Variants in LMNTD1 observed in about 807,000 individuals in gnomAD.
LMNTD1 encodes the protein lamin tail domain-containing protein 1.
Under a neutral mutation model 50.9 loss-of-function variants are expected in LMNTD1, and 35 were observed. The ratio of observed to expected loss-of-function variants is 0.69; its 90% CI spans 0.53 to 0.91. The LOEUF (loss-of-function observed/expected upper bound fraction) is 0.91, where lower values mean the gene tolerates loss of function less well. Among genes scored for constraint, LMNTD1 ranks in the 40% least tolerant of loss-of-function variants. LMNTD1 has a pLI of 0.00. For missense variants in LMNTD1, 470 were observed against 475.5 expected (o/e 0.99, Z 0.11); for synonymous variants, 153 against 161.9 (o/e 0.94, Z 0.42).
chr12:25,581,032 A>C (rs549198968), intron 1 of LMNTD1, among the ~76,000 whole-genome samples: 81 of 152,296 alleles, frequency 5.3e-4, no homozygotes, highest in African/African-American at 1.9e-3. Flanking sequence ...GTTAGTAGAG[A>C]AGATTTCTAT....
chr12:25,635,487 G>T (rs1946811846), intron 1 of LMNTD1, among the ~76,000 whole-genome samples: 1 of 152,104 alleles, frequency 6.6e-6, no homozygotes, highest in Non-Finnish European at 1.5e-5. Flanking sequence ...AATCATAGAT[G>T]CACACAAACA....
chr12:25,577,690 G>A (rs1357119281), intron 1 of LMNTD1, among the ~76,000 whole-genome samples: 1 of 152,182 alleles, frequency 6.6e-6, no homozygotes, highest in Non-Finnish European at 1.5e-5. Context: ...TCTCCTGCCT[G>A]ATTGCCCTAG....
At chr12:25,530,055 G>C (rs1183886088) in intron 4 of LMNTD1, among the ~76,000 whole-genome samples, 1 of 152,016 alleles carries the variant, frequency 6.6e-6, no homozygotes, top group Non-Finnish European at 1.5e-5. Context: ...GTACAAAATG[G>C]AATCTCATTG....
At chr12:25,485,869 C>A (rs1938613606) in intron 9 of LMNTD1, among the ~76,000 whole-genome samples, 1 of 144,586 alleles carries the variant, frequency 6.9e-6, no homozygotes. Context: ...ATCTATATCT[C>A]TGTTTTGGTA....
chr12:25,509,062 T>C (rs1406988721), intron 8 of LMNTD1, among the ~76,000 whole-genome samples: 2 of 152,190 alleles, frequency 1.3e-5, no homozygotes, highest in African/African-American at 4.8e-5. Context: ...AGATATTACG[T>C]TGGAAATTAT....
Position 25,546,357 on chromosome 12 carries a change from T to A in LMNTD1, c.491+17A>T. The A allele has an allele frequency of 1.3e-6, 2 of 1,527,072 alleles. No individual in the cohort carries two copies. The highest frequency in any genetic ancestry group is 1.8e-6 in the Non-Finnish European group (2 of 1,126,504). The allele number at this position is 1,527,072 out of a possible 1,614,324, so 94.6% of individuals were successfully genotyped here. A position where few individuals can be genotyped will look rare whatever the true frequency, so the allele number is the denominator to read the frequency against. On this transcript the variant is annotated intron_variant, in intron 4 of 9. Coordinates refer to ENST00000458174, the MANE Select transcript of LMNTD1 (RefSeq NM_001145728.2). Reference sequence around the variant, plus strand: ...ACCCCGACAGAAGATACTAAGTAGTTCAAATAAAATATGTACCTGGAGGTA... The same window carrying A: ...ACCCCGACAGAAGATACTAAGTAGTACAAATAAAATATGTACCTGGAGGTA...
intron 1 of LMNTD1, among the ~76,000 whole-genome samples, chr12:25,560,549 C>A (rs753337536): frequency 1.3e-5 from 2 of 152,088 alleles, no homozygotes; most frequent in African/African-American, 4.8e-5. Context: ...TCCATATGAA[C>A]TTTAAAGTAG....
At chr12:25,561,842 A>G (rs756633442) in intron 1 of LMNTD1, among the ~76,000 whole-genome samples, 1 of 152,038 alleles carries the variant, frequency 6.6e-6, no homozygotes, top group African/African-American at 2.4e-5. Flanking sequence ...GGGTGCATAT[A>G]TATTTAGGTT....
chr12:25,536,249 T>C (rs1294874976), intron 4 of LMNTD1, among the ~76,000 whole-genome samples: 38 of 152,140 alleles, frequency 2.5e-4, no homozygotes, highest in Admixed American at 2.5e-3. Flanking sequence ...TGAAACATTC[T>C]ACTAAACAAC....
At chr12:25,626,341 TAC>T (rs1555124910) in intron 1 of LMNTD1, among the ~76,000 whole-genome samples, 7 of 150,302 alleles carry the variant, frequency 4.7e-5, no homozygotes, top group Admixed American at 1.3e-4. Context: ...TATATATATA[TAC>T]ACACACACAC....
chr12:25,557,882 T>C (rs544359950), upstream of LMNTD1, among the ~76,000 whole-genome samples: 190 of 152,326 alleles, frequency 1.2e-3, no homozygotes, highest in Non-Finnish European at 2.4e-3. Context: ...AGAAAAGTAG[T>C]CTGGAGCCAA....
At chr12:25,629,930 C>T (rs563549775) in intron 1 of LMNTD1, among the ~76,000 whole-genome samples, 1 of 152,194 alleles carries the variant, frequency 6.6e-6, no homozygotes, top group South Asian at 2.1e-4. Flanking sequence ...TAATTTGTGA[C>T]CCAGGACATA....
intron 1 of LMNTD1, among the ~76,000 whole-genome samples, chr12:25,586,402 C>T (rs4963898): frequency 0.12 from 18,259 of 152,048 alleles, 1,275 homozygotes; most frequent in East Asian, 0.27. Flanking sequence ...TTGTTATCTC[C>T]CACTGAAATA....
At chr12:25,499,301 C>T (rs972554782) in intron 9 of LMNTD1, among the ~76,000 whole-genome samples, 1 of 152,060 alleles carries the variant, frequency 6.6e-6, no homozygotes, top group Admixed American at 6.5e-5. Flanking sequence ...CTTGAACTCC[C>T]ACCTCGGCCT....
At position 25,499,048 on chromosome 12, in the gene LMNTD1, C is replaced by T. The variant is rs147955811; in HGVS notation, c.*22+4690G>A. The stretch of plus-strand genomic sequence containing the variant: ...GGTCTTGATCATACTCACAGATGCA[C>T]GACAGTAACAGCAGGAAAGAAATTC... On this transcript the variant is annotated intron_variant, in intron 9 of 9. Transcript: ENST00000458174. 2.2e-3 allele frequency among the ~76,000 whole-genome samples: 330 copies of T among 152,208 alleles called. 5 individuals carry two copies. The highest frequency in any genetic ancestry group is 0.012 in the South Asian group (58 of 4,822).
intron 9 of LMNTD1, among the ~76,000 whole-genome samples, chr12:25,500,426 C>A (rs1280796988): frequency 2.0e-5 from 3 of 152,114 alleles, no homozygotes; most frequent in African/African-American, 7.2e-5. Flanking sequence ...CAGTTTAGAC[C>A]ACTGAGGACA....
intron 4 of LMNTD1, among the ~76,000 whole-genome samples, chr12:25,537,846 A>C (rs1250605565): frequency 1.3e-5 from 2 of 150,294 alleles, no homozygotes; most frequent in Non-Finnish European, 3.0e-5. Flanking sequence ...AAGAATGTAT[A>C]ACTAGAATAA....
rs563872821 is a variant in LMNTD1, at chr12:25,508,615, G to A, written c.1190-4815C>T. Among the ~76,000 whole-genome samples, 7 of 152,234 alleles carry A rather than the reference G, an allele frequency of 4.6e-5. No individual in the cohort carries two copies. In the South Asian group the frequency reaches 1.5e-3, roughly 32 times the overall value. The stretch of plus-strand genomic sequence containing the variant: ...TGTATGTATATTTTGGTGCACATAT[G>A]TATATATTTGTTAAATATATATAGT... On this transcript the variant is annotated intron_variant, in intron 8 of 9. Transcript: ENST00000458174.
At chr12:25,526,297 A>C in intron 5 of LMNTD1, 79 bp from the exon 6 acceptor site, 1 of 1,364,586 alleles carries the variant, frequency 7.3e-7, no homozygotes, top group Non-Finnish European at 1.0e-6. Context: ...CTCCAACATA[A>C]TCTTTCTGAA....
Sources: gnomAD v4.1 joint callset for allele counts (sites outside exome capture counted in the v4.1 genomes callset) on GRCh38, gnomAD v4.1.1 for gene constraint, MANE v1.5 for transcripts, NCBI Gene and HGNC (gene_info 2026-07-23, HGNC 2026-07-21) for gene names.